Variants in COG7 observed in about 807,000 individuals in gnomAD.
COG7 encodes component of oligomeric golgi complex 7.
COG7 carries 49 observed loss-of-function variants against 91.5 expected under a neutral mutation model. The ratio of observed to expected loss-of-function variants is 0.54; its 90% CI spans 0.43 to 0.68. COG7 has a LOEUF of 0.68. Among genes scored for constraint, COG7 ranks in the 30% least tolerant of loss-of-function variants. COG7 has a pLI of 0.00. For missense variants in COG7, 895 were observed against 961.3 expected (o/e 0.93, Z 0.91); for synonymous variants, 365 against 388.7 (o/e 0.94, Z 0.72).
chr16:23,438,498 C>T (rs182730122), intron 4 of COG7, among the ~76,000 whole-genome samples: 3 of 152,104 alleles, frequency 2.0e-5, no homozygotes, highest in African/African-American at 7.2e-5. Flanking sequence ...GTCAAGGCTG[C>T]GGTGAGCCAT....
chr16:23,394,528 C>CTA (rs1387560817), intron 14 of COG7, among the ~76,000 whole-genome samples: 1 of 151,592 alleles, frequency 6.6e-6, no homozygotes, highest in African/African-American at 2.4e-5. Context: ...TTTCTTCCTG[C>CTA]TACATATTCA....
At chr16:23,397,071 GATA>G (rs1327383064) in intron 14 of COG7, among the ~76,000 whole-genome samples, 3 of 152,066 alleles carry the variant, frequency 2.0e-5, no homozygotes, top group Non-Finnish European at 4.4e-5. Flanking sequence ...ACCATGCCTG[GATA>G]ATTTTTTACT....
intron 4 of COG7, 117 bp from the exon 5 acceptor site, chr16:23,434,835 G>C: frequency 1.4e-6 from 1 of 726,656 alleles, no homozygotes; most frequent in Non-Finnish European, 2.5e-6. Flanking sequence ...TTCCTGCCTA[G>C]ATACTGAATT....
intron 12 of COG7, 96 bp from the exon 13 acceptor site, chr16:23,403,930 G>T (rs949218809): frequency 1.4e-6 from 2 of 1,456,228 alleles, no homozygotes; most frequent in Middle Eastern, 1.9e-4. Flanking sequence ...GAGAACTGGG[G>T]GTTCTATGCA....
chr16:23,451,632 A>G (rs1596963154), intron 1 of COG7, among the ~76,000 whole-genome samples: 1 of 150,986 alleles, frequency 6.6e-6, no homozygotes, highest in South Asian at 2.1e-4. Flanking sequence ...AGGCGAGCGG[A>G]CTGCTTGAAC....
rs1413306499 is a variant in COG7 at position 23,433,686 on chromosome 16, G to A, written c.688-19C>T. On this transcript the variant is annotated intron_variant, in intron 5 of 16. Coordinates refer to ENST00000307149, the MANE Select transcript of COG7 (RefSeq NM_153603.4). ...GCTGCACCTGCAGAGACAGAACAAA[G>A]GGAACCTTATTGGGTACGTCAACAT... 1 of 1,613,770 alleles carries A rather than the reference G, an allele frequency of 6.2e-7. No homozygotes were observed. Among genetic ancestry groups the A allele is most frequent in the South Asian group, 1.1e-5 (1 of 91,056 alleles).
At chr16:23,430,604 C>T (rs1329212140) in intron 6 of COG7, among the ~76,000 whole-genome samples, 2 of 151,548 alleles carry the variant, frequency 1.3e-5, no homozygotes, top group Admixed American at 6.6e-5. Flanking sequence ...TGCAGTGGCA[C>T]AATCTCGGCT....
At chr16:23,429,357 AC>A (rs1963898387) in intron 6 of COG7, among the ~76,000 whole-genome samples, 1 of 150,678 alleles carries the variant, frequency 6.6e-6, no homozygotes, top group East Asian at 1.9e-4. Flanking sequence ...CTAGGTATTT[AC>A]CCAAGAGATG....
intron 4 of COG7, among the ~76,000 whole-genome samples, chr16:23,435,744 G>T (rs1040008865): frequency 6.6e-6 from 1 of 152,204 alleles, no homozygotes; most frequent in Non-Finnish European, 1.5e-5. Flanking sequence ...CTTCACTTCT[G>T]GGAAGCCCAA....
intron 1 of COG7, chr16:23,446,834 C>G (rs1402546729): frequency 6.6e-6 from 1 of 152,308 alleles, no homozygotes; most frequent in African/African-American, 2.4e-5. Flanking sequence ...TCACTGCAAC[C>G]TCAACCTCCT....
At chr16:23,417,230 T>A in intron 8 of COG7, 109 bp from the exon 9 acceptor site, 5 of 1,179,098 alleles carry the variant, frequency 4.2e-6, no homozygotes, top group Non-Finnish European at 6.3e-6. Context: ...TTAATAACGA[T>A]GTCAGAAATA....
intron 7 of COG7, among the ~76,000 whole-genome samples, chr16:23,424,297 CAAA>C (rs398042083): frequency 1.4e-4 from 7 of 48,660 alleles, no homozygotes; most frequent in African/African-American, 3.3e-4. Context: ...AACTCCATCT[CAAA>C]AAAAAAAAAA....
chr16:23,444,722 T>G (rs1964154888), intron 3 of COG7, among the ~76,000 whole-genome samples: 1 of 151,662 alleles, frequency 6.6e-6, no homozygotes, highest in Non-Finnish European at 1.5e-5. Flanking sequence ...CCCAGGCTGG[T>G]CTCAAACTCC....
chr16:23,440,932 G>C (rs1182348874), intron 4 of COG7, among the ~76,000 whole-genome samples: 1 of 152,060 alleles, frequency 6.6e-6, no homozygotes, highest in Non-Finnish European at 1.5e-5. Context: ...CACATGGCAG[G>C]AGGGGACTGA....
At chr16:23,413,417 G>C in intron 10 of COG7, 31 bp downstream of exon 10, 1 of 1,088,518 alleles carries the variant, frequency 9.2e-7, no homozygotes, top group South Asian at 1.2e-5. Context: ...GCTACATTAG[G>C]AACAAGCTTG....
At chr16:23,395,444 C>A (rs968486902) in intron 14 of COG7, among the ~76,000 whole-genome samples, 1 of 152,178 alleles carries the variant, frequency 6.6e-6, no homozygotes, top group Non-Finnish European at 1.5e-5. Context: ...TTGGCTAAGT[C>A]CACAGACTCA....
chr16:23,448,585 C>G (rs187291745), intron 1 of COG7, among the ~76,000 whole-genome samples: 40 of 152,240 alleles, frequency 2.6e-4, no homozygotes, highest in Admixed American at 6.5e-4. Context: ...GCACTGAGAT[C>G]ACACCCAGAC....
chr16:23,423,225 G>A (rs2142080127), intron 7 of COG7, among the ~76,000 whole-genome samples: 1 of 151,682 alleles, frequency 6.6e-6, no homozygotes. Context: ...AAATTAGCCT[G>A]GTGTGGTGGC....
Position 23,417,049 on chromosome 16 carries a change from C to T in COG7, c.1210G>A (p.Ala404Thr). The change falls in exon 9 of 17, where the codon GCA (alanine) becomes ACA (threonine). Residue 404 changes from alanine to threonine, a missense_variant. Transcript: ENST00000307149. ...AATCTGACGCATCTGTCAACGGCTG[C>T]AGACGCCAGACCAAACAGCTTGTTC... ...SVNKLFGLASAAVDRCVRFTN... is the reference protein window; with the variant it reads ...SVNKLFGLASTAVDRCVRFTN... 6.2e-7 allele frequency: 1 copy of T among 1,614,256 alleles called. No individual in the cohort carries two copies. The highest frequency in any genetic ancestry group is 8.5e-7 in the Non-Finnish European group (1 of 1,180,040).
Sources: allele counts gnomAD v4.1 joint callset (sites outside exome capture counted in the v4.1 genomes callset), GRCh38; gene constraint gnomAD v4.1.1; transcripts MANE v1.5; gene names NCBI Gene and HGNC (gene_info 2026-07-23, HGNC 2026-07-21).